The following DOCK3 variants were observed in gnomAD, a reference collection of about 807,000 sequenced individuals.
DOCK3 encodes dedicator of cytokinesis 3.
Under a neutral mutation model 265.6 loss-of-function variants are expected in DOCK3, and 60 were observed. The ratio of observed to expected loss-of-function variants is 0.23; its 90% CI spans 0.18 to 0.28. The LOEUF is 0.28. Among genes scored for constraint, DOCK3 ranks in the 10% least tolerant of loss-of-function variants. DOCK3 has a pLI of 1.00. For synonymous variants in DOCK3, 881 were observed against 938.0 expected, an observed-to-expected ratio of 0.94 and a Z score of 1.11; for missense variants, 1,981 against 2,594.3, an observed-to-expected ratio of 0.76 and a Z score of 5.14.
chr3:51,090,187 A>T, intron 8 of DOCK3, 43 bp from the exon 9 acceptor site: 2 of 1,512,232 alleles, frequency 1.3e-6, no homozygotes, highest in Middle Eastern at 1.7e-4. Context: ...AATATAAAAA[A>T]TAACTAAAAT....
At chr3:50,685,787 T>C in intron 1 of DOCK3, 1 of 199,432 alleles carries the variant, frequency 5.0e-6, no homozygotes, top group African/African-American at 2.3e-5. Flanking sequence ...GCTCAAGGGC[T>C]GTCCATGGCC....
chr3:51,101,022 C>T (rs2083060659), intron 9 of DOCK3, among the ~76,000 whole-genome samples: 1 of 150,558 alleles, frequency 6.6e-6, no homozygotes, highest in Non-Finnish European at 1.5e-5. Context: ...CCAGACTGAT[C>T]TCGAACTCTT....
In DOCK3 at chr3:51,265,315, A is replaced by G. The variant is rs2080104474; in HGVS notation, c.2355+4989A>G. On this transcript the variant is annotated intron_variant, in intron 23 of 52. Transcript: ENST00000266037. ...CATTCCTTCTGAAACTATTCCAAAC[A>G]ATAGAAAAAGAGGGACTCCTCCCGA... Among the ~76,000 whole-genome samples, 3 of 152,354 alleles carry G rather than the reference A, an allele frequency of 2.0e-5. No homozygotes were observed. The South Asian group carries it at 6.2e-4, about 32-fold the overall frequency.
intron 5 of DOCK3, among the ~76,000 whole-genome samples, chr3:51,041,934 A>T (rs541240631): frequency 6.6e-6 from 1 of 152,238 alleles, no homozygotes; most frequent in Non-Finnish European, 1.5e-5. Context: ...GATGCTTTGA[A>T]ATCAGGCACT....
chr3:50,736,154 G>GT (rs1308414189), intron 1 of DOCK3, among the ~76,000 whole-genome samples: 4 of 151,756 alleles, frequency 2.6e-5, no homozygotes, highest in Non-Finnish European at 2.9e-5. Context: ...TGCAGTGTTT[G>GT]TTTTTTTTGT....
chr3:50,920,009 A>G (rs1333764501), intron 4 of DOCK3, among the ~76,000 whole-genome samples: 1 of 152,100 alleles, frequency 6.6e-6, no homozygotes, highest in East Asian at 1.9e-4. Context: ...TGAGATAGTC[A>G]TGTGGTTTTT....
intron 12 of DOCK3, among the ~76,000 whole-genome samples, chr3:51,183,460 G>A (rs2087416148): frequency 6.6e-6 from 1 of 151,980 alleles, no homozygotes; most frequent in Non-Finnish European, 1.5e-5. Context: ...AATAGTAAGA[G>A]GGACTTTGGG....
chr3:50,969,006 G>C (rs1278086470), intron 5 of DOCK3, among the ~76,000 whole-genome samples: 2 of 152,150 alleles, frequency 1.3e-5, no homozygotes, highest in African/African-American at 2.4e-5. Flanking sequence ...TTTTGGCCTG[G>C]AGTCCAATTT....
intron 3 of DOCK3, chr3:50,863,517 T>A: frequency 2.0e-6 from 1 of 495,686 alleles, no homozygotes; most frequent in South Asian, 1.5e-5. Context: ...GAGACTCCAG[T>A]TTTCCAGGGG....
chr3:51,329,424 TTAAAA>T (rs771407088), intron 32 of DOCK3, among the ~76,000 whole-genome samples: 15 of 152,250 alleles, frequency 9.9e-5, no homozygotes, highest in Non-Finnish European at 1.9e-4. Context: ...TCCCCTGAAC[TTAAAA>T]TTAAATTAAA....
chr3:50,752,754 G>GGTGACAGAGCAAGACTGTCTC (rs2039914695), intron 1 of DOCK3, among the ~76,000 whole-genome samples: 1 of 151,884 alleles, frequency 6.6e-6, no homozygotes, highest in Non-Finnish European at 1.5e-5. Context: ...CTCCAGCCTG[G>GGTGACAGAGCAAGACTGTCTC]GTGACAGAGC....
chr3:51,271,211 T>C (rs1165250307), intron 24 of DOCK3, among the ~76,000 whole-genome samples: 1 of 152,214 alleles, frequency 6.6e-6, no homozygotes, highest in Non-Finnish European at 1.5e-5. Context: ...TCACAGTTTA[T>C]TCCTAGGAAT....
chr3:51,163,343 G>C (rs2086224549), intron 12 of DOCK3, among the ~76,000 whole-genome samples: 1 of 151,748 alleles, frequency 6.6e-6, no homozygotes, highest in Admixed American at 6.6e-5. Flanking sequence ...CCACTATTCT[G>C]CTGTATAATG....
intron 1 of DOCK3, among the ~76,000 whole-genome samples, chr3:50,778,447 C>T (rs538907712): frequency 5.0e-4 from 76 of 152,208 alleles, no homozygotes; most frequent in Admixed American, 1.7e-3. Flanking sequence ...ACACATGCAC[C>T]CACCACTCAT....
At chr3:50,887,995 G>A (rs2048427924) in intron 3 of DOCK3, among the ~76,000 whole-genome samples, 1 of 152,168 alleles carries the variant, frequency 6.6e-6, no homozygotes, top group Admixed American at 6.5e-5. Flanking sequence ...ACATAGTGTT[G>A]GAAGTTCTGG....
At chr3:51,217,745 C>A (rs1325956739) in intron 14 of DOCK3, among the ~76,000 whole-genome samples, 1 of 152,066 alleles carries the variant, frequency 6.6e-6, no homozygotes, top group Non-Finnish European at 1.5e-5. Context: ...TCTGTAACTC[C>A]TGTGTCAGAA....
At chr3:51,297,979 C>T (rs1271085689) in intron 27 of DOCK3, among the ~76,000 whole-genome samples, 1 of 151,420 alleles carries the variant, frequency 6.6e-6, no homozygotes, top group African/African-American at 2.4e-5. Flanking sequence ...GAGTGAGACC[C>T]CATCTCAAAA....
At chr3:51,010,884 A>C (rs1403763433) in intron 5 of DOCK3, among the ~76,000 whole-genome samples, 1 of 152,140 alleles carries the variant, frequency 6.6e-6, no homozygotes, top group African/African-American at 2.4e-5. Flanking sequence ...TATGAAGCTT[A>C]GTTTGGCTGG....
intron 38 of DOCK3, among the ~76,000 whole-genome samples, chr3:51,344,668 T>A (rs569084684): frequency 2.0e-5 from 3 of 152,268 alleles, no homozygotes; most frequent in Admixed American, 2.0e-4. Context: ...GTGACTGGAT[T>A]TCAGACACTG....
Sources: gnomAD v4.1 joint callset for allele counts (sites outside exome capture counted in the v4.1 genomes callset) on GRCh38, gnomAD v4.1.1 for gene constraint, MANE v1.5 for transcripts, NCBI Gene and HGNC (gene_info 2026-07-23, HGNC 2026-07-21) for gene names.